The following OR52N1 variants were observed in gnomAD, a reference collection of about 807,000 sequenced individuals.
The protein encoded by OR52N1 is olfactory receptor 52N1.
In OR52N1, 11 loss-of-function variants were observed where a neutral mutation model predicts 13.9. The observed-to-expected ratio is 0.79, with a 90% CI of 0.50 to 1.31. The LOEUF (loss-of-function observed/expected upper bound fraction) is 1.31. OR52N1 is among the 40% of genes most tolerant of loss of function. OR52N1 has a pLI of 0.00. For missense variants in OR52N1, 414 were observed against 397.7 expected, an observed-to-expected ratio of 1.04 and a Z score of -0.35; for synonymous variants, 142 against 143.7, an observed-to-expected ratio of 0.99 and a Z score of 0.08.
chr11:5,790,113 C>T (rs991272809), intron 1 of OR52N1, among the ~76,000 whole-genome samples: 11 of 151,978 alleles, frequency 7.2e-5, no homozygotes, highest in Non-Finnish European at 1.5e-4. Context: ...ATTTATAGTT[C>T]CTCCTTGACA....
chr11:5,790,417 TTC>T lies in OR52N1; in HGVS notation c.-45+692_-45+693del, dbSNP rs1854644828. ...TTTTCAGATCACAGAAAAAATTCTTTTCTCTCAGAAATGCTGCTTTTAGCTTT... is the reference window on the plus strand; with the variant it reads ...TTTTCAGATCACAGAAAAAATTCTTTTCTCAGAAATGCTGCTTTTAGCTTT... On this transcript the variant is annotated intron_variant, in intron 1 of 1. Coordinates refer to ENST00000641645, the MANE Select transcript of OR52N1 (RefSeq NM_001001913.2). Among the ~76,000 whole-genome samples, 6 of 152,110 alleles carry T rather than the reference TTC, an allele frequency of 3.9e-5. No homozygotes were observed. The South Asian group carries it at 1.2e-3, about 32-fold the overall frequency.
chr11:5,788,775 G>T lies in OR52N1; in HGVS notation c.42C>A (p.Phe14Leu), dbSNP rs1380345903. The T allele has an allele frequency of 6.2e-7, 1 of 1,609,044 alleles. No individual in the cohort carries two copies. The highest frequency in any genetic ancestry group is 1.3e-5 in the African/African-American group (1 of 75,006). ...CCAAACCAGGGATGCCATTTAGGAT[G>T]AATGAAGCTGGAGTTAGGCTGGTGC... is the stretch of plus-strand genomic sequence containing the variant. Reference protein sequence around the residue: ...LNGTSLTPASFILNGIPGLED... With the variant: ...LNGTSLTPASLILNGIPGLED... The change falls in exon 2 of 2, where the codon TTC (phenylalanine) becomes TTA (leucine). Residue 14 changes from phenylalanine to leucine, a missense_variant. Phe to Leu is a conservative substitution (Grantham distance 22). Transcript: ENST00000641645.
chr11:5,786,855 T>C lies in OR52N1; in HGVS notation c.*999A>G, dbSNP rs1233608385. On this transcript the variant is annotated 3_prime_UTR_variant, in exon 2 of 2. Transcript: ENST00000641645. ...TATGCACATATTATTTATGCTAAAG[T>C]TAACATACTTCTGAAAGAAAAGAAA... The C allele has an allele frequency of 7.2e-6, 1 of 139,502 alleles. No homozygotes were observed. Among genetic ancestry groups the C allele is most frequent in the Admixed American group, 7.4e-5 (1 of 13,494 alleles). 8.6% of individuals were successfully genotyped at this position (139,502 alleles called of 1,614,324 possible). A position where few individuals can be genotyped will look rare whatever the true frequency, so the allele number is the denominator to read the frequency against.
chr11:5,787,815 C>A lies in OR52N1; in HGVS notation c.*39G>T. ...AAGAGCTCCCTATTGACTTGGTGAT[C>A]TCAACCTGGCTAAGAAAATTCTAAC... On this transcript the variant is annotated 3_prime_UTR_variant, in exon 2 of 2. Coordinates refer to ENST00000641645, the MANE Select transcript of OR52N1 (RefSeq NM_001001913.2). The A allele has an allele frequency of 4.2e-6, 6 of 1,427,214 alleles. 1 individual carries two copies. The highest frequency in any genetic ancestry group is 5.6e-6 in the Non-Finnish European group (6 of 1,066,294). 88.4% of individuals were successfully genotyped at this position (1,427,214 alleles called of 1,614,324 possible).
rs1406818092 is a variant in OR52N1, at chr11:5,788,327, G to C, written c.490C>G (p.Leu164Val). ...TTGCAGTATGGAAGGCGCTTGGTGA[G>C]GAAAGTGGAAGGGATAACAAGCATC... The part of the protein sequence containing the change: ...GVMLVIPSTF[L>V]TKRLPYCKGN... Residue 164 changes from leucine to valine, a missense_variant, in exon 2 of 2, where the codon CTC becomes GTC. Physicochemically the swap from Leu to Val is conservative, Grantham distance 32. Transcript: ENST00000641645. 4 of 1,613,992 alleles carry C rather than the reference G, an allele frequency of 2.5e-6. No homozygotes were observed. The Middle Eastern group carries it at 5.0e-4, about 200-fold the overall frequency.
chr11:5,789,669 A>G (rs998328157), intron 1 of OR52N1, among the ~76,000 whole-genome samples: 1 of 152,144 alleles, frequency 6.6e-6, no homozygotes, highest in Admixed American at 6.6e-5. Flanking sequence ...TTCTACCCAT[A>G]TCAAAACTTC....
In OR52N1 at chr11:5,788,437, G is replaced by A. The variant is rs1441152347; in HGVS notation, c.380C>T (p.Ala127Val). ...GGCATAACGCAGAGGGAAGCAGATGGCCACACAGTGGTCCAGGGCCATGAG... is the reference window on the plus strand; with the variant it reads ...GGCATAACGCAGAGGGAAGCAGATGACCACACAGTGGTCCAGGGCCATGAG... ...LMLMALDHCVAICFPLRYATI... is the reference protein window; with the variant it reads ...LMLMALDHCVVICFPLRYATI... The change falls in exon 2 of 2, where the codon GCC becomes GTC. Residue 127 changes from alanine (A) to valine (V), a missense_variant. Ala to Val is a moderately conservative substitution (Grantham distance 64). Coordinates refer to ENST00000641645, the MANE Select transcript of OR52N1 (RefSeq NM_001001913.2). 6.2e-7 allele frequency: 1 copy of A among 1,614,084 alleles called. No homozygotes were observed. The highest frequency in any genetic ancestry group is 8.5e-7 in the Non-Finnish European group (1 of 1,179,980).
At position 5,788,576 on chromosome 11, in the gene OR52N1, G is replaced by A; in HGVS notation, c.241C>T (p.Pro81Ser). ...TDVLMCTSTL[P>S]NTLFILWFNL... ...AACCACAATATGAAGAGAGTGTTGG[G>A]AAGGGTGCTGGTGCACATGAGCACA... Residue 81 changes from proline (P) to serine (S), a missense_variant, in exon 2 of 2, where the codon CCC becomes TCC. Pro to Ser is a moderately conservative substitution (Grantham distance 74). Transcript: ENST00000641645. The A allele has an allele frequency of 1.2e-6, 2 of 1,613,996 alleles. No homozygotes were observed. Among genetic ancestry groups the A allele is most frequent in the Admixed American group, 3.3e-5 (2 of 59,986 alleles).
rs1854624258 is a variant in OR52N1, at chr11:5,788,650, G to GCCTCATCACAGTA, written c.154_166dup (p.Ala56ValfsTer3). 6.2e-7 allele frequency: 1 copy of GCCTCATCACAGTA among 1,613,882 alleles called. No individual in the cohort carries two copies. The highest frequency in any genetic ancestry group is 2.2e-5 in the East Asian group (1 of 44,856). On this transcript the variant is annotated stop_gained and frameshift_variant, in exon 2 of 2. Coordinates refer to ENST00000641645, the MANE Select transcript of OR52N1 (RefSeq NM_001001913.2). LOFTEE classifies it high-confidence loss of function. ...GAAGACATACATAGGTCTGTGTAAG[G>GCCTCATCACAGTA]CCTCATCACAGTAGATGAGGTACAT...
chr11:5,790,019 T>C (rs1326021068), intron 1 of OR52N1, among the ~76,000 whole-genome samples: 2 of 152,048 alleles, frequency 1.3e-5, no homozygotes, highest in Non-Finnish European at 2.9e-5. Flanking sequence ...AAGGAGCAAG[T>C]TGTGTGATGG....
rs142442713 is a variant in OR52N1, at chr11:5,788,576, GA to G, written c.240del (p.Asn82ThrfsTer74). ...FTDVLMCTST[L>X]PNTLFILWFN... ...AACCACAATATGAAGAGAGTGTTGG[GA>G]AGGGTGCTGGTGCACATGAGCACAT... On this transcript the variant is annotated frameshift_variant, in exon 2 of 2. Transcript: ENST00000641645. LOFTEE classifies it high-confidence loss of function. The G allele has an allele frequency of 0.055, 89,510 of 1,613,990 alleles. 2,892 individuals carry two copies. Among genetic ancestry groups the G allele is most frequent in the Non-Finnish European group, 0.065 (76,122 of 1,179,924 alleles).
chr11:5,788,541 C>G lies in OR52N1; in HGVS notation c.276G>C (p.Lys92Asn). ...NTLFILWFNLKEIDFKACLAQ... is the reference protein window; with the variant it reads ...NTLFILWFNLNEIDFKACLAQ... Reference sequence around the variant, plus strand: ...CGAGGCAGGCTTTAAAATCAATCTCCTTGAGATTAAACCACAATATGAAGA... The same window carrying G: ...CGAGGCAGGCTTTAAAATCAATCTCGTTGAGATTAAACCACAATATGAAGA... Residue 92 changes from lysine to asparagine, a missense_variant, in exon 2 of 2, where the codon AAG becomes AAC. Transcript: ENST00000641645. 2.5e-6 allele frequency: 4 copies of G among 1,613,932 alleles called. No homozygotes were observed. In the South Asian group the frequency reaches 4.4e-5, roughly 18 times the overall value.
chr11:5,788,278 T>C lies in OR52N1; in HGVS notation c.539A>G (p.Tyr180Cys). ...YCKGNVIPHT[Y>C]CDHMSVAKIS... ...CTTGGCCACAGACATGTGGTCACAG[T>C]AGGTGTGGGGTATGACGTTGCCCTT... The change falls in exon 2 of 2, where the codon TAC (tyrosine) becomes TGC (cysteine). Residue 180 changes from tyrosine (Y) to cysteine (C), a missense_variant. Tyr to Cys is a radical substitution (Grantham distance 194, BLOSUM62 -2). Coordinates refer to ENST00000641645, the MANE Select transcript of OR52N1 (RefSeq NM_001001913.2). The C allele has an allele frequency of 6.2e-7, 1 of 1,613,988 alleles. No homozygotes were observed. The highest frequency in any genetic ancestry group is 8.5e-7 in the Non-Finnish European group (1 of 1,179,964).
chr11:5,789,727 A>G (rs910201069), intron 1 of OR52N1, among the ~76,000 whole-genome samples: 1 of 152,168 alleles, frequency 6.6e-6, no homozygotes, highest in Non-Finnish European at 1.5e-5. Flanking sequence ...GAATATTTTT[A>G]TCAAATATTT....
chr11:5,788,180 T>A lies in OR52N1; in HGVS notation c.637A>T (p.Ile213Phe). 6.2e-7 allele frequency: 1 copy of A among 1,613,948 alleles called. No homozygotes were observed. Among genetic ancestry groups the A allele is most frequent in the Non-Finnish European group, 8.5e-7 (1 of 1,179,950 alleles). Residue 213 changes from isoleucine (I) to phenylalanine (F), a missense_variant, in exon 2 of 2, where the codon ATC (isoleucine) becomes TTC (phenylalanine). By Grantham distance (21) the Ile-to-Phe change is conservative. Transcript: ENST00000641645. ...IVALLIGGFD[I>F]LCITISYTMI... ...GTGTAGGAGATTGTAATGCACAGGA[T>A]ATCAAAGCCCCCAATCAGCAGGGCA...
Position 5,786,901 on chromosome 11 carries a change from A to C in OR52N1, c.*953T>G, listed in dbSNP as rs1009562372. 1.5e-4 allele frequency: 21 copies of C among 140,598 alleles called. 2 individuals carry two copies. Among genetic ancestry groups the C allele is most frequent in the African/African-American group, 2.6e-4 (10 of 38,370 alleles). 8.7% of individuals were successfully genotyped at this position (140,598 alleles called of 1,614,324 possible). A position where few individuals can be genotyped will look rare whatever the true frequency, so the allele number is the denominator to read the frequency against. On this transcript the variant is annotated 3_prime_UTR_variant, in exon 2 of 2. Transcript: ENST00000641645. ...AGAAAGTATATATACTTTGTAAACT[A>C]TAGACAGTTTTCATAGGAAGCAAGA...
Position 5,787,248 on chromosome 11 carries a change from T to C in OR52N1, c.*606A>G, listed in dbSNP as rs1297222311. 7.1e-6 allele frequency: 1 copy of C among 140,814 alleles called. No individual in the cohort carries two copies. Among genetic ancestry groups the C allele is most frequent in the Non-Finnish European group, 1.6e-5 (1 of 63,774 alleles). The allele number at this position is 140,814 out of a possible 1,614,324, so 8.7% of individuals were successfully genotyped here. A position where few individuals can be genotyped will look rare whatever the true frequency, so the allele number is the denominator to read the frequency against. On this transcript the variant is annotated 3_prime_UTR_variant, in exon 2 of 2. Coordinates refer to ENST00000641645, the MANE Select transcript of OR52N1 (RefSeq NM_001001913.2). ...TTTTTATCTCTTTCACCTAATACTATATTTGAATAGACCACAATTATTTAT... is the reference window on the plus strand; with the variant it reads ...TTTTTATCTCTTTCACCTAATACTACATTTGAATAGACCACAATTATTTAT...
At position 5,787,939 on chromosome 11, in the gene OR52N1, A is replaced by G. The variant is rs141939785; in HGVS notation, c.878T>C (p.Ile293Thr). The G allele has an allele frequency of 5.3e-5, 80 of 1,514,216 alleles. 12 individuals are homozygous for G. The East Asian group carries it at 5.4e-4, about 10-fold the overall frequency. 93.8% of individuals were successfully genotyped at this position (1,514,216 alleles called of 1,614,324 possible). ...YLLMPPTMNP[I>T]VYGVKTRQVR... ...CTGCCTGGTTTTCACCCCATACACAATAGGGTTCATTGTGGGAGGCATTAG... is the reference window on the plus strand; with the variant it reads ...CTGCCTGGTTTTCACCCCATACACAGTAGGGTTCATTGTGGGAGGCATTAG... Residue 293 changes from isoleucine (I) to threonine (T), a missense_variant, in exon 2 of 2, where the codon ATT becomes ACT. Coordinates refer to ENST00000641645, the MANE Select transcript of OR52N1 (RefSeq NM_001001913.2).
In OR52N1 at chr11:5,787,969, T is replaced by C; in HGVS notation, c.848A>G (p.Tyr283Cys). The C allele has an allele frequency of 1.5e-6, 2 of 1,378,250 alleles. No individual in the cohort carries two copies. The highest frequency in any genetic ancestry group is 1.9e-6 in the Non-Finnish European group (2 of 1,035,962). 85.4% of individuals were successfully genotyped at this position (1,378,250 alleles called of 1,614,324 possible). Reference protein sequence around the residue: ...LHIHIIMANLYLLMPPTMNPI... With the variant: ...LHIHIIMANLCLLMPPTMNPI... Reference sequence around the variant, plus strand: ...GTTCATTGTGGGAGGCATTAGTAGGTAGAGATTAGCCATAATAATATGTAT... The same window carrying C: ...GTTCATTGTGGGAGGCATTAGTAGGCAGAGATTAGCCATAATAATATGTAT... The change falls in exon 2 of 2, where the codon TAC becomes TGC. Residue 283 changes from tyrosine to cysteine, a missense_variant. Tyr to Cys is a radical substitution (Grantham distance 194, BLOSUM62 -2). Transcript: ENST00000641645.
Sources: gnomAD v4.1 joint callset for allele counts (sites outside exome capture counted in the v4.1 genomes callset) on GRCh38, gnomAD v4.1.1 for gene constraint, MANE v1.5 for transcripts, NCBI Gene and HGNC (gene_info 2026-07-23, HGNC 2026-07-21) for gene names.